Variants in CCNJ observed in about 807,000 individuals in gnomAD.
CCNJ encodes cyclin-J.
A neutral mutation model predicts 41.4 loss-of-function variants in CCNJ; 12 were observed. The ratio of observed to expected loss-of-function variants is 0.29; its 90% CI spans 0.19 to 0.47. The LOEUF is 0.47. Among genes scored for constraint, CCNJ ranks in the 20% least tolerant of loss-of-function variants. The pLI is 1.00. For missense variants in CCNJ, 340 were observed against 464.6 expected (o/e 0.73, Z 2.47); for synonymous variants, 161 against 173.4 (o/e 0.93, Z 0.56).
In CCNJ at chr10:96,050,332, T is replaced by C. The variant is rs1216372045; in HGVS notation, c.146T>C (p.Ile49Thr). Residue 49 changes from isoleucine to threonine, a missense_variant, in exon 3 of 6, where the codon ATT (isoleucine) becomes ACT (threonine). Physicochemically the swap from Ile to Thr is moderately conservative, Grantham distance 89. Coordinates refer to ENST00000465148, the MANE Select transcript of CCNJ (RefSeq NM_001134375.2). ...LRRYFADLIA[I>T]VSNRFTLCPS... Reference sequence around the variant, plus strand: ...CGGTATTTTGCTGACTTGATTGCCATTGTGAGCAATCGCTTCACACTCTGC... The same window carrying C: ...CGGTATTTTGCTGACTTGATTGCCACTGTGAGCAATCGCTTCACACTCTGC... The C allele has an allele frequency of 3.1e-6, 5 of 1,613,834 alleles. No individual in the cohort carries two copies. Among genetic ancestry groups the C allele is most frequent in the Middle Eastern group, 3.3e-4 (2 of 6,084 alleles).
rs567465629 is a variant in CCNJ, at chr10:96,056,106, A to G, written c.281-595A>G. On this transcript the variant is annotated intron_variant, in intron 3 of 5. Transcript: ENST00000465148. The stretch of plus-strand genomic sequence containing the variant: ...AGGCAGATCACAAGGTCAAGAGATC[A>G]AGACCATCCTGGCTAACATGGTGAA... 1.1e-4 allele frequency among the ~76,000 whole-genome samples: 17 copies of G among 152,300 alleles called. No individual in the cohort carries two copies. The East Asian group carries it at 2.5e-3, about 22-fold the overall frequency.
At chr10:96,050,119 A>T in intron 2 of CCNJ, 137 bp from the exon 3 acceptor site, 2 of 683,078 alleles carry the variant, frequency 2.9e-6, no homozygotes, top group South Asian at 1.9e-5. Context: ...TAACTTTTTC[A>T]TTTTTGTATT....
chr10:96,054,703 G>T (rs1430962148), intron 3 of CCNJ, among the ~76,000 whole-genome samples: 1 of 152,120 alleles, frequency 6.6e-6, no homozygotes, highest in Non-Finnish European at 1.5e-5. Context: ...GACCTTAAAT[G>T]GATTGGCCAA....
In CCNJ at chr10:96,049,481, C is replaced by CTT. The variant is rs150769179; in HGVS notation, c.70-758_70-757dup. Among the ~76,000 whole-genome samples, 347 of 108,284 alleles carry CTT rather than the reference C, an allele frequency of 3.2e-3. 3 individuals carry two copies. Among genetic ancestry groups the CTT allele is most frequent in the African/African-American group, 7.5e-3 (214 of 28,366 alleles). 71.0% of individuals were successfully genotyped at this position (108,284 alleles called of 152,430 possible). A position where few individuals can be genotyped will look rare whatever the true frequency, so the allele number is the denominator to read the frequency against. On this transcript the variant is annotated intron_variant, in intron 2 of 5. Transcript: ENST00000465148. ...CCATTTCTCTTTTCTTTTTCTTTTTCTTTTTTTTTTTTTTTTTTGCAGGGT... is the reference window on the plus strand; with the variant it reads ...CCATTTCTCTTTTCTTTTTCTTTTTCTTTTTTTTTTTTTTTTTTTTGCAGGGT...
chr10:96,056,680 C>G lies in CCNJ; in HGVS notation c.281-21C>G, dbSNP rs972352591. 19 of 1,554,068 alleles carry G rather than the reference C, an allele frequency of 1.2e-5. No individual in the cohort carries two copies. In the African/African-American group the frequency reaches 2.5e-4, roughly 20 times the overall value. On this transcript the variant is annotated intron_variant, in intron 3 of 5. Transcript: ENST00000465148. Reference sequence around the variant, plus strand: ...ACTTGCCTGACATTTTCTCTCCCCTCCCATCCCCTTTTCTTATAAGGTAAA... The same window carrying G: ...ACTTGCCTGACATTTTCTCTCCCCTGCCATCCCCTTTTCTTATAAGGTAAA...
chr10:96,058,096 T>G lies in CCNJ; in HGVS notation c.1007T>G (p.Val336Gly), dbSNP rs771871079. ...QTCPAGFQTS[V>G]QGLGHMQTGV... ...TGTCCTGCTGGCTTCCAAACTAGTG[T>G]TCAGGGCCTTGGGCACATGCAGACT... Residue 336 changes from valine (V) to glycine (G), a missense_variant, in exon 6 of 6, where the codon GTT (valine) becomes GGT (glycine). Coordinates refer to ENST00000465148, the MANE Select transcript of CCNJ (RefSeq NM_001134375.2). The G allele has an allele frequency of 6.2e-7, 1 of 1,614,200 alleles. No homozygotes were observed. The highest frequency in any genetic ancestry group is 8.5e-7 in the Non-Finnish European group (1 of 1,180,038).
chr10:96,047,451 C>G (rs1244639662), intron 2 of CCNJ, among the ~76,000 whole-genome samples: 1 of 152,078 alleles, frequency 6.6e-6, no homozygotes, highest in Non-Finnish European at 1.5e-5. Flanking sequence ...AGCTGGAGAC[C>G]AGCCTGGGCA....
At position 96,057,837 on chromosome 10, in the gene CCNJ, G is replaced by A; in HGVS notation, c.748G>A (p.Asp250Asn). 6.2e-7 allele frequency: 1 copy of A among 1,613,550 alleles called. No homozygotes were observed. Among genetic ancestry groups the A allele is most frequent in the Non-Finnish European group, 8.5e-7 (1 of 1,179,646 alleles). Residue 250 changes from aspartate (D) to asparagine (N), a missense_variant, in exon 6 of 6, where the codon GAT becomes AAT. Physicochemically the swap from Asp to Asn is conservative, Grantham distance 23 (BLOSUM62 1). Transcript: ENST00000465148. ...TTTCTCTCCACGTTTCAGCGCTCATGATAATGATGTGAAAGAAGCAAACAA... is the reference window on the plus strand; with the variant it reads ...TTTCTCTCCACGTTTCAGCGCTCATAATAATGATGTGAAAGAAGCAAACAA... ...QCIERLLIAH[D>N]NDVKEANKQR...
At chr10:96,054,591 A>C (rs1421315246) in intron 3 of CCNJ, among the ~76,000 whole-genome samples, 1 of 151,934 alleles carries the variant, frequency 6.6e-6, no homozygotes, top group East Asian at 1.9e-4. Flanking sequence ...TAGATGCTTA[A>C]TAATACAGAA....
Position 96,057,887 on chromosome 10 carries a change from G to A in CCNJ, c.798G>A (p.Gln266=). ...AACAGAGAGGGCAAGCAGGACCTCAGTCAGCGCAACTAAGTGTATTCCAGA... is the reference window on the plus strand; with the variant it reads ...AACAGAGAGGGCAAGCAGGACCTCAATCAGCGCAACTAAGTGTATTCCAGA... ...ANKQRGQAGP[Q]SAQLSVFQTA... is the part of the protein sequence containing the mutation. Residue 266 remains glutamine, a synonymous_variant, in exon 6 of 6, where the codon CAG becomes CAA. Coordinates refer to ENST00000465148, the MANE Select transcript of CCNJ (RefSeq NM_001134375.2). 6.2e-7 allele frequency: 1 copy of A among 1,614,210 alleles called. No homozygotes were observed. The highest frequency in any genetic ancestry group is 8.5e-7 in the Non-Finnish European group (1 of 1,180,022).
rs771003370 is a variant in CCNJ, at chr10:96,058,091, T to G, written c.1002T>G (p.Thr334=). The change falls in exon 6 of 6, where the codon ACT becomes ACG. Residue 334 remains threonine, a synonymous_variant. Transcript: ENST00000465148. ...AGACATGTCCTGCTGGCTTCCAAAC[T>G]AGTGTTCAGGGCCTTGGGCACATGC... ...TLQTCPAGFQ[T]SVQGLGHMQT... 1 of 1,614,136 alleles carries G rather than the reference T, an allele frequency of 6.2e-7. No individual in the cohort carries two copies. The highest frequency in any genetic ancestry group is 1.1e-5 in the South Asian group (1 of 91,080).
intron 3 of CCNJ, among the ~76,000 whole-genome samples, chr10:96,053,308 C>A (rs2080584104): frequency 6.6e-6 from 1 of 152,062 alleles, no homozygotes; most frequent in Non-Finnish European, 1.5e-5. Flanking sequence ...CAGGTTATTT[C>A]TTTATAAGAT....
intron 3 of CCNJ, among the ~76,000 whole-genome samples, chr10:96,053,525 T>C (rs1397362599): frequency 6.6e-6 from 1 of 152,202 alleles, no homozygotes; most frequent in Admixed American, 6.5e-5. Context: ...GAAGTTCTCC[T>C]ATTCCAACTC....
At position 96,058,698 on chromosome 10, in the gene CCNJ, G is replaced by T. The variant is rs2080757552; in HGVS notation, c.*457G>T. The T allele has an allele frequency of 1.0e-5, 4 of 393,420 alleles. No individual in the cohort carries two copies. Among genetic ancestry groups the T allele is most frequent in the African/African-American group, 4.1e-5 (2 of 48,382 alleles). The allele number at this position is 393,420 out of a possible 1,614,324, so 24.4% of individuals were successfully genotyped here. On this transcript the variant is annotated 3_prime_UTR_variant, in exon 6 of 6. Transcript: ENST00000465148. ...TTTTTGAAAAGGTTTTTTTTATTCT[G>T]CAATTTTTTATTTTTGTTCTACACA...
chr10:96,048,613 C>T (rs750738753), intron 2 of CCNJ, among the ~76,000 whole-genome samples: 1 of 152,210 alleles, frequency 6.6e-6, no homozygotes, highest in African/African-American at 2.4e-5. Context: ...CACCCTCTAG[C>T]TTCTGATAAC....
chr10:96,049,481 C>CTTTTTTTTTTTTT (rs150769179), intron 2 of CCNJ, among the ~76,000 whole-genome samples: 14 of 108,302 alleles, frequency 1.3e-4, no homozygotes, highest in African/African-American at 2.8e-4. Context: ...TTTTCTTTTT[C>CTTTTTTTTTTTTT]TTTTTTTTTT....
At position 96,058,820 on chromosome 10, in the gene CCNJ, C is replaced by A; in HGVS notation, c.*579C>A. 4.2e-6 allele frequency: 1 copy of A among 240,752 alleles called. No individual in the cohort carries two copies. The highest frequency in any genetic ancestry group is 7.9e-6 in the Non-Finnish European group (1 of 127,116). The allele number at this position is 240,752 out of a possible 1,614,324, so 14.9% of individuals were successfully genotyped here. ...GATGATTCTATATAACTTCGTCTCACAAATAGTGTAGGTATCTGGGTTTAT... is the reference window on the plus strand; with the variant it reads ...GATGATTCTATATAACTTCGTCTCAAAAATAGTGTAGGTATCTGGGTTTAT... On this transcript the variant is annotated 3_prime_UTR_variant, in exon 6 of 6. Transcript: ENST00000465148.
intron 3 of CCNJ, among the ~76,000 whole-genome samples, chr10:96,052,616 T>C (rs926945056): frequency 1.3e-5 from 2 of 152,234 alleles, no homozygotes; most frequent in Admixed American, 6.5e-5. Context: ...ATTTATTTTA[T>C]TGAACTATTT....
In CCNJ at chr10:96,058,568, T is replaced by TGGTA; in HGVS notation, c.*329_*332dup. ...ATTTGCCATTTTGAGATTTGACCTGTGGTAGCATCTGGGCCTAATGTTGGC... is the reference window on the plus strand; with the variant it reads ...ATTTGCCATTTTGAGATTTGACCTGTGGTAGGTAGCATCTGGGCCTAATGTTGGC... On this transcript the variant is annotated 3_prime_UTR_variant, in exon 6 of 6. Coordinates refer to ENST00000465148, the MANE Select transcript of CCNJ (RefSeq NM_001134375.2). 2.2e-6 allele frequency: 1 copy of TGGTA among 449,450 alleles called. No individual in the cohort carries two copies. Among genetic ancestry groups the TGGTA allele is most frequent in the Non-Finnish European group, 3.9e-6 (1 of 255,108 alleles). 27.8% of individuals were successfully genotyped at this position (449,450 alleles called of 1,614,324 possible).
Sources: allele counts gnomAD v4.1 joint callset (sites outside exome capture counted in the v4.1 genomes callset), GRCh38; gene constraint gnomAD v4.1.1; transcripts MANE v1.5; gene names NCBI Gene and HGNC (gene_info 2026-07-23, HGNC 2026-07-21).